The following APBB2 variants were observed in gnomAD, a reference collection of about 807,000 sequenced individuals.
APBB2 encodes the protein amyloid beta precursor protein binding family B member 2, also known as Fe65-like 1.
A neutral mutation model predicts 82.5 loss-of-function variants in APBB2; 38 were observed. That is an observed-to-expected ratio of 0.46 (90% CI 0.36 to 0.60). The LOEUF (loss-of-function observed/expected upper bound fraction) is 0.60, where lower values mean the gene tolerates loss of function less well. Ranked by LOEUF, APBB2 falls within the 20% of genes least tolerant of loss-of-function variation. The pLI is 0.00. For missense variants in APBB2, 772 were observed against 972.3 expected, an observed-to-expected ratio of 0.79 and a Z score of 2.74; for synonymous variants, 341 against 368.2, an observed-to-expected ratio of 0.93 and a Z score of 0.85.
At chr4:40,829,473 G>C (rs1751115436) in intron 13 of APBB2, among the ~76,000 whole-genome samples, 2 of 152,206 alleles carry the variant, frequency 1.3e-5, no homozygotes, top group South Asian at 4.1e-4. Flanking sequence ...ACACAGCAAG[G>C]CTTCAAGTGT....
intron 6 of APBB2, among the ~76,000 whole-genome samples, chr4:41,009,091 T>C (rs1176531461): frequency 6.6e-6 from 1 of 152,142 alleles, no homozygotes; most frequent in Admixed American, 6.5e-5. Flanking sequence ...AAATGATGCA[T>C]CTTTTCAACG....
At chr4:41,054,827 C>G (rs992727866) in intron 4 of APBB2, among the ~76,000 whole-genome samples, 3 of 152,074 alleles carry the variant, frequency 2.0e-5, no homozygotes, top group African/African-American at 7.2e-5. Context: ...CCATGGAAAC[C>G]TTTAAGCTAC....
intron 10 of APBB2, among the ~76,000 whole-genome samples, chr4:40,928,423 C>CAT (rs1264076558): frequency 1.3e-5 from 1 of 75,790 alleles, no homozygotes; most frequent in Non-Finnish European, 2.6e-5. Context: ...CACACACACA[C>CAT]ACACAATCAG....
intron 4 of APBB2, among the ~76,000 whole-genome samples, chr4:41,042,460 A>G (rs540509252): frequency 6.6e-6 from 1 of 152,324 alleles, no homozygotes; most frequent in African/African-American, 2.4e-5. Context: ...TCTACTCCGT[A>G]ACCTTGCAAT....
intron 1 of APBB2, among the ~76,000 whole-genome samples, chr4:41,203,630 TAC>T (rs1318734059): frequency 6.6e-6 from 1 of 152,160 alleles, no homozygotes. Context: ...ATGCCACGAA[TAC>T]AGAGACCACT....
chr4:40,921,434 T>G (rs944323230), intron 10 of APBB2, among the ~76,000 whole-genome samples: 1 of 152,236 alleles, frequency 6.6e-6, no homozygotes, highest in Non-Finnish European at 1.5e-5. Context: ...GACAGATGCA[T>G]GCAGAGCGAC....
chr4:41,188,934 G>A (rs528461749), intron 1 of APBB2, among the ~76,000 whole-genome samples: 1 of 152,072 alleles, frequency 6.6e-6, no homozygotes, highest in East Asian at 1.9e-4. Flanking sequence ...AAAAAGTGGT[G>A]GCAACATACA....
At chr4:41,148,162 G>A (rs972963206) in intron 1 of APBB2, among the ~76,000 whole-genome samples, 2 of 152,202 alleles carry the variant, frequency 1.3e-5, no homozygotes, top group African/African-American at 4.8e-5. Flanking sequence ...AACAAAGTCT[G>A]TGACTGATAA....
chr4:40,836,393 C>T (rs926840626), intron 12 of APBB2, among the ~76,000 whole-genome samples: 2 of 152,224 alleles, frequency 1.3e-5, no homozygotes, highest in African/African-American at 4.8e-5. Context: ...GTGAGAATCA[C>T]TTGAACTCAG....
intron 3 of APBB2, among the ~76,000 whole-genome samples, chr4:41,082,735 A>G (rs11736344): frequency 0.34 from 50,966 of 151,930 alleles, 8,762 homozygotes; most frequent in Non-Finnish European, 0.37. Flanking sequence ...TAAAATTAAT[A>G]AAAATATGCA....
intron 4 of APBB2, among the ~76,000 whole-genome samples, chr4:41,038,508 G>A (rs369457354): frequency 2.6e-5 from 4 of 152,048 alleles, no homozygotes; most frequent in East Asian, 3.9e-4. Context: ...ACATTGTCCC[G>A]GATCTATCGC....
chr4:41,042,309 C>G (rs1721837017), intron 4 of APBB2, among the ~76,000 whole-genome samples: 1 of 152,168 alleles, frequency 6.6e-6, no homozygotes, highest in Admixed American at 6.5e-5. Context: ...CTTTCATATT[C>G]CAAAGGCATT....
chr4:40,899,493 C>T (rs1251265751), intron 10 of APBB2, among the ~76,000 whole-genome samples: 2 of 152,118 alleles, frequency 1.3e-5, no homozygotes, highest in Non-Finnish European at 2.9e-5. Context: ...GAACACAGAG[C>T]AAAGCCTGGG....
In APBB2 at chr4:40,816,098, C is replaced by G; in HGVS notation, c.2274G>C (p.Met758Ile). 6.2e-7 allele frequency: 1 copy of G among 1,613,196 alleles called. No homozygotes were observed. The highest frequency in any genetic ancestry group is 8.5e-7 in the Non-Finnish European group (1 of 1,179,254). Residue 758 changes from methionine to isoleucine, a missense_variant, in exon 18 of 18, where the codon ATG becomes ATC. Physicochemically the swap from Met to Ile is conservative, Grantham distance 10 (BLOSUM62 1). Transcript: ENST00000508593. Reference sequence around the variant, plus strand: ...AGTCCTTTTGCATGTGCAGCTATGGCATTTCGGTGACAGGGCGTTTCTGTT... The same window carrying G: ...AGTCCTTTTGCATGTGCAGCTATGGGATTTCGGTGACAGGGCGTTTCTGTT... ...TLKQKRPVTE[M>I]P
intron 2 of APBB2, among the ~76,000 whole-genome samples, chr4:41,142,108 C>A (rs1485566184): frequency 6.6e-6 from 1 of 152,154 alleles, no homozygotes; most frequent in Admixed American, 6.5e-5. Flanking sequence ...GGATGCTGGG[C>A]AGACAAAGCC....
At chr4:41,033,368 G>T (rs550203316) in intron 4 of APBB2, 64 bp from the exon 5 acceptor site, 2 of 1,107,306 alleles carry the variant, frequency 1.8e-6, no homozygotes, top group Non-Finnish European at 2.5e-6. Context: ...AGAAAGAAAA[G>T]CATAGCAGTG....
chr4:40,921,542 C>G (rs1296486355), intron 10 of APBB2, among the ~76,000 whole-genome samples: 1 of 152,174 alleles, frequency 6.6e-6, no homozygotes, highest in Non-Finnish European at 1.5e-5. Flanking sequence ...CCCATTCATT[C>G]CATTGTTTCT....
chr4:41,004,836 CAAAA>C (rs34941899), intron 6 of APBB2, among the ~76,000 whole-genome samples: 2 of 49,258 alleles, frequency 4.1e-5, no homozygotes, highest in Non-Finnish European at 6.8e-5. Flanking sequence ...GACCCCATCT[CAAAA>C]AAAAAAAAAA....
chr4:40,927,795 A>G (rs1283980465), intron 10 of APBB2, among the ~76,000 whole-genome samples: 1 of 152,114 alleles, frequency 6.6e-6, no homozygotes, highest in Non-Finnish European at 1.5e-5. Flanking sequence ...CCTCTTCTTT[A>G]AAGATGTAAT....
Sources: gnomAD v4.1 joint callset for allele counts (sites outside exome capture counted in the v4.1 genomes callset) on GRCh38, gnomAD v4.1.1 for gene constraint, MANE v1.5 for transcripts, NCBI Gene and HGNC (gene_info 2026-07-23, HGNC 2026-07-21) for gene names.